Variants in OIP5 observed in about 807,000 individuals in gnomAD.
OIP5 encodes protein Mis18-beta.
A neutral mutation model predicts 20.3 loss-of-function variants in OIP5; 24 were observed. That is an observed-to-expected ratio of 1.18 (90% CI 0.86 to 1.66). OIP5 has a LOEUF of 1.66. Ranked by LOEUF, OIP5 falls within the 40% of genes most tolerant of loss-of-function variation. OIP5 has a pLI of 0.00. For missense variants in OIP5, 339 were observed against 289.5 expected, an observed-to-expected ratio of 1.17 and a Z score of -1.24; for synonymous variants, 143 against 121.3, an observed-to-expected ratio of 1.18 and a Z score of -1.17.
chr15:41,319,111 C>G (rs1297445744), intron 3 of OIP5, among the ~76,000 whole-genome samples: 1 of 151,248 alleles, frequency 6.6e-6, no homozygotes, highest in African/African-American at 2.4e-5. Context: ...TGTTCTGTCA[C>G]CCAGGCTGGA....
At chr15:41,320,437 T>A (rs1034372702) in intron 2 of OIP5, among the ~76,000 whole-genome samples, 1 of 152,114 alleles carries the variant, frequency 6.6e-6, no homozygotes, top group African/African-American at 2.4e-5. Flanking sequence ...GCCGCCACAC[T>A]TGACAGGTTT....
At chr15:41,330,409 ATTTTTTTT>A (rs766498868) in intron 2 of OIP5, among the ~76,000 whole-genome samples, 2 of 128,660 alleles carry the variant, frequency 1.6e-5, no homozygotes, top group African/African-American at 5.9e-5. Flanking sequence ...CGTAATCAGT[ATTTTTTTT>A]TTTTTTTTTT....
chr15:41,326,806 G>T (rs1225243223), intron 2 of OIP5, among the ~76,000 whole-genome samples: 1 of 152,244 alleles, frequency 6.6e-6, no homozygotes, highest in African/African-American at 2.4e-5. Context: ...GCCTTGCTCT[G>T]CCACTAAGGG....
chr15:41,316,105 G>C (rs183334529), intron 3 of OIP5, among the ~76,000 whole-genome samples: 1 of 152,054 alleles, frequency 6.6e-6, no homozygotes, highest in East Asian at 1.9e-4. Flanking sequence ...TCCAGCTCCA[G>C]CCTGGGCGAA....
At chr15:41,321,146 G>A (rs1028099496) in intron 2 of OIP5, among the ~76,000 whole-genome samples, 3 of 151,564 alleles carry the variant, frequency 2.0e-5, no homozygotes, top group Non-Finnish European at 4.4e-5. Flanking sequence ...CTGTCGGGGA[G>A]GGAGGTGGGG....
At chr15:41,327,920 C>G (rs992045187) in intron 2 of OIP5, among the ~76,000 whole-genome samples, 1 of 152,068 alleles carries the variant, frequency 6.6e-6, no homozygotes, top group Non-Finnish European at 1.5e-5. Flanking sequence ...CCAGCCTGGG[C>G]AACATGTTGA....
intron 2 of OIP5, among the ~76,000 whole-genome samples, chr15:41,331,682 T>A (rs1295995152): frequency 6.6e-6 from 1 of 152,216 alleles, no homozygotes; most frequent in Non-Finnish European, 1.5e-5. Flanking sequence ...TAGATACATC[T>A]TTCTTAGCCT....
intron 2 of OIP5, among the ~76,000 whole-genome samples, chr15:41,328,696 G>A (rs1382794891): frequency 6.6e-6 from 1 of 152,004 alleles, no homozygotes; most frequent in Non-Finnish European, 1.5e-5. Context: ...AATGTCGGAG[G>A]GAGTATATTT....
intron 1 of OIP5, 113 bp from the exon 2 acceptor site, chr15:41,332,094 T>C: frequency 1.5e-6 from 2 of 1,341,240 alleles, no homozygotes; most frequent in African/African-American, 1.4e-5. Context: ...CCCGATTCCC[T>C]GCCCCATCCC....
intron 2 of OIP5, among the ~76,000 whole-genome samples, chr15:41,322,922 C>T (rs903318551): frequency 1.9e-4 from 28 of 149,526 alleles, no homozygotes; most frequent in African/African-American, 6.7e-4. Flanking sequence ...GCAACAAGAG[C>T]GAAACTCCAT....
rs1567023124 is a variant in OIP5, at chr15:41,309,743, T to C, written c.*11A>G. ...AAAGCCTGAACCTGACACTCAAGCT[T>C]TGGTACAGGATCAGTTTTCTGGCTT... On this transcript the variant is annotated 3_prime_UTR_variant, in exon 5 of 5. Coordinates refer to ENST00000220514, the MANE Select transcript of OIP5 (RefSeq NM_007280.2). 1 of 1,585,500 alleles carries C rather than the reference T, an allele frequency of 6.3e-7. No homozygotes were observed. The highest frequency in any genetic ancestry group is 8.7e-7 in the Non-Finnish European group (1 of 1,155,934).
intron 2 of OIP5, among the ~76,000 whole-genome samples, chr15:41,323,267 T>A (rs1181397822): frequency 1.3e-5 from 2 of 152,106 alleles, no homozygotes. Flanking sequence ...GGCAGATCAC[T>A]TGAGATCAGG....
intron 2 of OIP5, among the ~76,000 whole-genome samples, chr15:41,324,820 C>T (rs2047851844): frequency 6.6e-6 from 1 of 152,142 alleles, no homozygotes; most frequent in Admixed American, 6.6e-5. Flanking sequence ...CACAATTTGG[C>T]ATGACTTCAC....
rs78575629 is a variant in OIP5 at position 41,331,237 on chromosome 15, C to G, written c.389+678G>C. On this transcript the variant is annotated intron_variant, in intron 2 of 4. Coordinates refer to ENST00000220514, the MANE Select transcript of OIP5 (RefSeq NM_007280.2). ...GACTACTTTATTGTCACTTGTAAATCATAGTACAGGCAGGTCGCAAAGTTT... is the reference window on the plus strand; with the variant it reads ...GACTACTTTATTGTCACTTGTAAATGATAGTACAGGCAGGTCGCAAAGTTT... Among the ~76,000 whole-genome samples the G allele has an allele frequency of 6.4e-3, 973 of 152,312 alleles. 4 individuals are homozygous for G. Among genetic ancestry groups the G allele is most frequent in the Non-Finnish European group, 0.011 (767 of 68,032 alleles).
intron 2 of OIP5, among the ~76,000 whole-genome samples, chr15:41,330,446 C>T (rs2047891825): frequency 6.7e-6 from 1 of 149,674 alleles, no homozygotes; most frequent in Non-Finnish European, 1.5e-5. Flanking sequence ...AGTCTGTCGC[C>T]CAGGCTGGAA....
At chr15:41,319,853 G>A (rs2047812199) in intron 2 of OIP5, 73 bp from the exon 3 acceptor site, 2 of 1,300,184 alleles carry the variant, frequency 1.5e-6, no homozygotes. Flanking sequence ...ACTAGTCTCT[G>A]AAGCATTCCT....
intron 2 of OIP5, among the ~76,000 whole-genome samples, chr15:41,325,197 G>C (rs569417312): frequency 2.0e-5 from 3 of 152,006 alleles, no homozygotes; most frequent in Non-Finnish European, 4.4e-5. Context: ...GAGGTCAGGA[G>C]ATCAAGACCA....
intron 2 of OIP5, among the ~76,000 whole-genome samples, chr15:41,321,211 G>GC (rs1222655300): frequency 2.7e-5 from 4 of 149,292 alleles, no homozygotes; most frequent in African/African-American, 7.5e-5. Context: ...GGGGGGGTCA[G>GC]CCCCCCGCCC....
chr15:41,327,285 G>A (rs1003241629), intron 2 of OIP5, among the ~76,000 whole-genome samples: 55 of 151,724 alleles, frequency 3.6e-4, no homozygotes, highest in African/African-American at 1.3e-3. Flanking sequence ...GGGTTCAAGC[G>A]ATTCTCCTGC....
Sources: allele counts gnomAD v4.1 joint callset (sites outside exome capture counted in the v4.1 genomes callset), GRCh38; gene constraint gnomAD v4.1.1; transcripts MANE v1.5; gene names NCBI Gene and HGNC (gene_info 2026-07-23, HGNC 2026-07-21).